CLCA4: variants seen among roughly 807,000 people sequenced by gnomAD.
CLCA4 encodes the protein calcium-activated chloride channel regulator 4.
In CLCA4, 69 loss-of-function variants were observed where a neutral mutation model predicts 78.9. The observed-to-expected ratio is 0.87, with a 90% CI of 0.72 to 1.07. The LOEUF (loss-of-function observed/expected upper bound fraction) is 1.07, where lower values mean the gene tolerates loss of function less well. CLCA4 is among the 50% of genes least tolerant of loss of function. The probability of loss-of-function intolerance (pLI) is 0.00; values close to 1 mark genes in which losing one functional copy is unlikely to be tolerated. For synonymous variants in CLCA4, 362 were observed against 375.8 expected (o/e 0.96, Z 0.42); for missense variants, 1,133 against 1,095.8 (o/e 1.03, Z -0.48).
chr1:86,550,266 T>C (rs1649615468), intron 1 of CLCA4, among the ~76,000 whole-genome samples: 1 of 152,138 alleles, frequency 6.6e-6, no homozygotes, highest in Non-Finnish European at 1.5e-5. Flanking sequence ...CATGAGAAGA[T>C]AATAATTCAT....
chr1:86,559,890 T>G (rs1283118485), intron 1 of CLCA4, 42 bp from the exon 2 acceptor site: 1 of 1,531,840 alleles, frequency 6.5e-7, no homozygotes, highest in Non-Finnish European at 8.9e-7. Flanking sequence ...TTTAGTTCAC[T>G]CTAACTTCAC....
rs543843174 is a variant in CLCA4, at chr1:86,576,086, C to T, written c.1951+487C>T. Reference sequence around the variant, plus strand: ...CAGCCTGGGCAACAGAGAAAGACTCCGTCTCAACGACAACAAAAATACCCA... The same window carrying T: ...CAGCCTGGGCAACAGAGAAAGACTCTGTCTCAACGACAACAAAAATACCCA... On this transcript the variant is annotated intron_variant, in intron 11 of 13. Coordinates refer to ENST00000370563, the MANE Select transcript of CLCA4 (RefSeq NM_012128.4). 1.4e-4 allele frequency among the ~76,000 whole-genome samples: 21 copies of T among 152,000 alleles called. No homozygotes were observed. The South Asian group carries it at 2.7e-3, about 20-fold the overall frequency.
intron 1 of CLCA4, among the ~76,000 whole-genome samples, chr1:86,555,156 T>G (rs111239661): frequency 0.044 from 6,671 of 152,294 alleles, 476 homozygotes; most frequent in African/African-American, 0.15. Context: ...ATTCTGTAGG[T>G]TGTCTGTTTA....
At chr1:86,555,055 T>C (rs961621764) in intron 1 of CLCA4, among the ~76,000 whole-genome samples, 34 of 152,270 alleles carry the variant, frequency 2.2e-4, no homozygotes, top group African/African-American at 8.2e-4. Context: ...TAATGCATTG[T>C]TTGTTTTTCT....
chr1:86,579,663 G>T, intron 13 of CLCA4, 76 bp downstream of exon 13: 1 of 1,001,492 alleles, frequency 1.0e-6, no homozygotes. Context: ...AAGGGTGGGT[G>T]GGGGGAGAAT....
Position 86,565,330 on chromosome 1 carries a change from G to A in CLCA4, c.614G>A (p.Cys205Tyr), listed in dbSNP as rs771611046. The A allele has an allele frequency of 1.1e-5, 18 of 1,610,680 alleles. No individual in the cohort carries two copies. The South Asian group carries it at 1.5e-4, about 14-fold the overall frequency. Residue 205 changes from cysteine to tyrosine, a missense_variant, in exon 5 of 14, where the codon TGT (cysteine) becomes TAT (tyrosine). Physicochemically the swap from Cys to Tyr is radical, Grantham distance 194 (BLOSUM62 -2). Coordinates refer to ENST00000370563, the MANE Select transcript of CLCA4 (RefSeq NM_012128.4). ...NRVYKCQGGSCLSRACRIDST... is the reference protein window; with the variant it reads ...NRVYKCQGGSYLSRACRIDST... ...GTTTATAAGTGTCAAGGAGGCAGCT[G>A]TCTTAGTAGAGCATGCAGAATTGAT...
chr1:86,580,745 TG>T lies in CLCA4; in HGVS notation c.*402del. 6.4e-6 allele frequency: 1 copy of T among 156,800 alleles called. No individual in the cohort carries two copies. The highest frequency in any genetic ancestry group is 1.9e-4 in the East Asian group (1 of 5,298). The allele number at this position is 156,800 out of a possible 1,614,324, so 9.7% of individuals were successfully genotyped here. A position where few individuals can be genotyped will look rare whatever the true frequency, so the allele number is the denominator to read the frequency against. ...TAAAGGAGAGCAAATAAACAACATT[TG>T]GAAAAAAATGAATTTGGTGTTGGTA... On this transcript the variant is annotated 3_prime_UTR_variant, in exon 14 of 14. Coordinates refer to ENST00000370563, the MANE Select transcript of CLCA4 (RefSeq NM_012128.4).
At position 86,566,159 on chromosome 1, in the gene CLCA4, A is replaced by T. The variant is rs996045640; in HGVS notation, c.954+139A>T. 15 of 567,150 alleles carry T rather than the reference A, an allele frequency of 2.6e-5. No individual in the cohort carries two copies. In the Admixed American group the frequency reaches 3.4e-4, roughly 13 times the overall value. 35.1% of individuals were successfully genotyped at this position (567,150 alleles called of 1,614,324 possible). A position where few individuals can be genotyped will look rare whatever the true frequency, so the allele number is the denominator to read the frequency against. On this transcript the variant is annotated intron_variant, in intron 6 of 13. Coordinates refer to ENST00000370563, the MANE Select transcript of CLCA4 (RefSeq NM_012128.4). Reference sequence around the variant, plus strand: ...CACTGCCCATGATCATGACTTCAAGATACTGCAGCAAAATACCATAGTAAA... The same window carrying T: ...CACTGCCCATGATCATGACTTCAAGTTACTGCAGCAAAATACCATAGTAAA...
At chr1:86,572,205 T>C (rs1446033810) in intron 8 of CLCA4, among the ~76,000 whole-genome samples, 1 of 152,058 alleles carries the variant, frequency 6.6e-6, no homozygotes, top group Non-Finnish European at 1.5e-5. Flanking sequence ...TCAACTTTGT[T>C]AGAACTAAAA....
Position 86,547,170 on chromosome 1 carries a change from CCAGT to C in CLCA4, c.54_57del (p.Ser19IlefsTer7), listed in dbSNP as rs1470235674. The C allele has an allele frequency of 6.2e-7, 1 of 1,612,066 alleles. No individual in the cohort carries two copies. Among genetic ancestry groups the C allele is most frequent in the East Asian group, 2.2e-5 (1 of 44,660 alleles). ...TCCTCTTAGTTCTGTGCCTGCTGCA[CCAGT>C]CAAATACTTCCTTCATTAAGCTGAA... On this transcript the variant is annotated frameshift_variant, in exon 1 of 14. Coordinates refer to ENST00000370563, the MANE Select transcript of CLCA4 (RefSeq NM_012128.4). LOFTEE classifies it high-confidence loss of function.
chr1:86,552,742 AC>A, intron 1 of CLCA4: 6 of 1,436,784 alleles, frequency 4.2e-6, no homozygotes, highest in Non-Finnish European at 3.9e-6. Context: ...CCGGCCCGGC[AC>A]CCCCATCATG....
Position 86,579,376 on chromosome 1 carries a change from A to C in CLCA4, c.2145A>C (p.Pro715=). The C allele has an allele frequency of 6.2e-7, 1 of 1,613,140 alleles. No homozygotes were observed. Among genetic ancestry groups the C allele is most frequent in the Non-Finnish European group, 8.5e-7 (1 of 1,179,408 alleles). The change falls in exon 13 of 14, where the codon CCA becomes CCC. Residue 715 remains proline, a synonymous_variant. Transcript: ENST00000370563. ...CAGGGGAAATTGAAGCAAACCCGCC[A>C]AGACCTGAAATTGATGAGGATACTC... The part of the protein sequence containing the change: ...VVNGEIEANP[P]RPEIDEDTQT...
chr1:86,560,310 A>G lies in CLCA4; in HGVS notation c.400A>G (p.Thr134Ala), dbSNP rs749365122. 6.2e-7 allele frequency: 1 copy of G among 1,613,966 alleles called. No homozygotes were observed. The highest frequency in any genetic ancestry group is 1.7e-5 in the Admixed American group (1 of 60,000). The stretch of plus-strand genomic sequence containing the variant: ...AGAGAAAGGCGAATACATTCACTTC[A>G]CCCCTGACCTTCTACTTGGAAAAAA... ...CGEKGEYIHF[T>A]PDLLLGKKQN... The change falls in exon 3 of 14, where the codon ACC becomes GCC. Residue 134 changes from threonine (T) to alanine (A), a missense_variant. Thr to Ala is a moderately conservative substitution (Grantham distance 58). Coordinates refer to ENST00000370563, the MANE Select transcript of CLCA4 (RefSeq NM_012128.4).
intron 1 of CLCA4, among the ~76,000 whole-genome samples, chr1:86,551,468 C>T (rs562753192): frequency 6.6e-6 from 1 of 152,216 alleles, no homozygotes; most frequent in East Asian, 1.9e-4. Flanking sequence ...AGGGGTGAGG[C>T]GGGGCAGGAG....
Position 86,575,450 on chromosome 1 carries a change from A to G in CLCA4, c.1802A>G (p.Asn601Ser). ...VPPITVNAKMNKDVNSFPSPM... is the reference protein window; with the variant it reads ...VPPITVNAKMSKDVNSFPSPM... The stretch of plus-strand genomic sequence containing the variant: ...CCAATCACAGTGAATGCTAAAATGA[A>G]TAAGGACGTAAACAGTTTCCCCAGC... Residue 601 changes from asparagine (N) to serine (S), a missense_variant, in exon 11 of 14, where the codon AAT (asparagine) becomes AGT (serine). Physicochemically the swap from Asn to Ser is conservative, Grantham distance 46. Coordinates refer to ENST00000370563, the MANE Select transcript of CLCA4 (RefSeq NM_012128.4). 9.3e-6 allele frequency: 15 copies of G among 1,613,582 alleles called. No individual in the cohort carries two copies. The highest frequency in any genetic ancestry group is 1.3e-5 in the Non-Finnish European group (15 of 1,179,660).
At chr1:86,573,935 T>C (rs1173087228) in intron 9 of CLCA4, among the ~76,000 whole-genome samples, 1 of 152,124 alleles carries the variant, frequency 6.6e-6, no homozygotes, top group Non-Finnish European at 1.5e-5. Flanking sequence ...TTATGCATTC[T>C]CACCACAAAA....
chr1:86,565,015 G>C (rs1650134974), intron 4 of CLCA4, among the ~76,000 whole-genome samples: 1 of 152,040 alleles, frequency 6.6e-6, no homozygotes, highest in East Asian at 1.9e-4. Flanking sequence ...TTAATACAAG[G>C]AGAGAACTCA....
chr1:86,560,094 T>C, intron 2 of CLCA4, 22 bp downstream of exon 2: 2 of 1,562,930 alleles, frequency 1.3e-6, no homozygotes, highest in Non-Finnish European at 1.7e-6. Context: ...AATATTCTCT[T>C]AAAAAATTAT....
chr1:86,577,881 T>G, intron 11 of CLCA4, 21 bp from the exon 12 acceptor site: 2 of 1,600,114 alleles, frequency 1.2e-6, no homozygotes, highest in Non-Finnish European at 1.7e-6. Context: ...CAAGACTTTA[T>G]TCCTTCATTT....
Sources: allele counts gnomAD v4.1 joint callset (sites outside exome capture counted in the v4.1 genomes callset), GRCh38; gene constraint gnomAD v4.1.1; transcripts MANE v1.5; gene names NCBI Gene and HGNC (gene_info 2026-07-23, HGNC 2026-07-21).